Variants in ARHGEF18 observed in about 807,000 individuals in gnomAD.
The protein encoded by ARHGEF18 is rho guanine nucleotide exchange factor 18.
ARHGEF18 carries 93 observed loss-of-function variants against 155.7 expected under a neutral mutation model. The ratio of observed to expected loss-of-function variants is 0.60; its 90% CI spans 0.50 to 0.71. ARHGEF18 has a LOEUF of 0.71. ARHGEF18 is among the 30% of genes least tolerant of loss of function. The pLI, the probability that ARHGEF18 is intolerant of heterozygous loss-of-function variation, is 0.00. For missense variants in ARHGEF18, 1,593 were observed against 1,816.1 expected (o/e 0.88, Z 2.23); for synonymous variants, 742 against 753.1 (o/e 0.99, Z 0.24).
intron 10 of ARHGEF18, among the ~76,000 whole-genome samples, chr19:7,430,350 C>T (rs576117139): frequency 3.4e-5 from 5 of 147,282 alleles, no homozygotes; most frequent in Non-Finnish European, 7.4e-5. Context: ...TACAGGCATA[C>T]ACTACCATGC....
the ARHGEF18 span, among the ~76,000 whole-genome samples, chr19:7,479,088 CCAGGGTG>C: frequency 1.1e-4 from 17 of 152,192 alleles, no homozygotes; most frequent in African/African-American, 4.1e-4. Flanking sequence ...CACTGGGTAC[CCAGGGTG>C]CAGGATGCAG....
At chr19:7,432,335 A>G (rs986076087) in intron 10 of ARHGEF18, among the ~76,000 whole-genome samples, 1 of 152,196 alleles carries the variant, frequency 6.6e-6, no homozygotes, top group African/African-American at 2.4e-5. Flanking sequence ...TCTCAGCCTA[A>G]AAGAAAAGTC....
chr19:7,391,021 A>G (rs1392923970), intron 10 of ARHGEF18, among the ~76,000 whole-genome samples: 2 of 152,128 alleles, frequency 1.3e-5, no homozygotes, highest in East Asian at 3.8e-4. Context: ...GCCCGTTGAC[A>G]GAGTGAGACT....
intron 1 of ARHGEF18, among the ~76,000 whole-genome samples, chr19:7,362,146 A>AAGGAGAAGG (rs1969632737): frequency 2.4e-5 from 1 of 41,108 alleles, no homozygotes; most frequent in Non-Finnish European, 4.3e-5. Flanking sequence ...GGAGAAGGAG[A>AAGGAGAAGG]AGGAGAAGGA....
chr19:7,460,328 C>T (rs1013835357), intron 20 of ARHGEF18, among the ~76,000 whole-genome samples: 6 of 152,194 alleles, frequency 3.9e-5, no homozygotes, highest in African/African-American at 9.6e-5. Flanking sequence ...CAGTCCCATA[C>T]GAAGGAATAG....
chr19:7,434,096 C>T (rs1600424224), intron 10 of ARHGEF18, among the ~76,000 whole-genome samples: 1 of 151,288 alleles, frequency 6.6e-6, no homozygotes, highest in African/African-American at 2.4e-5. Flanking sequence ...GATCCTGACA[C>T]CTGTTACGAA....
chr19:7,357,214 G>A (rs955831011), intron 1 of ARHGEF18, among the ~76,000 whole-genome samples: 1 of 152,192 alleles, frequency 6.6e-6, no homozygotes, highest in Admixed American at 6.5e-5. Context: ...AGTGTGGGCA[G>A]CTGGAGTGCC....
Position 7,440,497 on chromosome 19 carries a change from C to A in ARHGEF18, c.1106+15C>A, listed in dbSNP as rs757729503. The A allele has an allele frequency of 6.3e-7, 1 of 1,584,658 alleles. No individual in the cohort carries two copies. The highest frequency in any genetic ancestry group is 1.1e-5 in the South Asian group (1 of 89,648). On this transcript the variant is annotated intron_variant, in intron 11 of 28. Transcript: ENST00000668164. The surrounding 1 kb of genome is among the most constrained non-coding windows in gnomAD (Gnocchi z 5.4). ...ACGCAACTCGGGTAAGCCAGGGTCCCCTCTGTGCCCTCGGGTGGGTGGTGG... is the reference window on the plus strand; with the variant it reads ...ACGCAACTCGGGTAAGCCAGGGTCCACTCTGTGCCCTCGGGTGGGTGGTGG...
chr19:7,433,139 T>A (rs914767216), intron 10 of ARHGEF18, among the ~76,000 whole-genome samples: 3 of 149,642 alleles, frequency 2.0e-5, no homozygotes, highest in South Asian at 2.1e-4. Flanking sequence ...CTAGCCTAGA[T>A]GATGGAGCGA....
intron 10 of ARHGEF18, among the ~76,000 whole-genome samples, chr19:7,398,704 A>AAGAAAG (rs112794982): frequency 2.0e-4 from 29 of 147,166 alleles, no homozygotes; most frequent in East Asian, 7.9e-4. Context: ...AAAAAAAAAA[A>AAGAAAG]AAATAAAGAA....
rs558820659 is a variant in ARHGEF18, at chr19:7,376,877, C to T, written c.541+120C>T. ...CCTGGAGGGTCCCCTTGGTGGGGCT[C>T]CAGATGGGCCCCAGGGAAGGGAAGG... On this transcript the variant is annotated intron_variant, in intron 5 of 28. Transcript: ENST00000668164. 2.3e-3 allele frequency: 1,511 copies of T among 666,280 alleles called. 4 individuals are homozygous for T. The highest frequency in any genetic ancestry group is 2.9e-3 in the Admixed American group (66 of 22,946). 41.3% of individuals were successfully genotyped at this position (666,280 alleles called of 1,614,324 possible). A position where few individuals can be genotyped will look rare whatever the true frequency, so the allele number is the denominator to read the frequency against.
chr19:7,433,617 C>T (rs1340033667), intron 10 of ARHGEF18, among the ~76,000 whole-genome samples: 1 of 151,248 alleles, frequency 6.6e-6, no homozygotes, highest in East Asian at 1.9e-4. Flanking sequence ...AGTCCTGTTC[C>T]TGTAAGACCT....
intron 10 of ARHGEF18, among the ~76,000 whole-genome samples, chr19:7,423,654 G>A (rs995384649): frequency 3.3e-5 from 5 of 150,816 alleles, no homozygotes; most frequent in Non-Finnish European, 5.9e-5. Flanking sequence ...GCAATGAGCC[G>A]AGATCGCGCC....
chr19:7,377,883 G>A (rs531915110), intron 5 of ARHGEF18, among the ~76,000 whole-genome samples: 2 of 151,804 alleles, frequency 1.3e-5, no homozygotes, highest in East Asian at 1.9e-4. Context: ...TCCAGAGTTC[G>A]AGACCACCCT....
intron 10 of ARHGEF18, among the ~76,000 whole-genome samples, chr19:7,428,712 C>T (rs1018816231): frequency 2.0e-5 from 3 of 151,944 alleles, no homozygotes; most frequent in South Asian, 2.1e-4. Context: ...GTCGAAAAAA[C>T]GAAAGTGAAA....
At chr19:7,460,414 C>T (rs10419471) in intron 20 of ARHGEF18, among the ~76,000 whole-genome samples, 117,173 of 152,050 alleles carry the variant, frequency 0.77, 45,469 homozygotes, top group East Asian at 0.85. Context: ...AATTCACACA[C>T]CACAGCACTC....
At chr19:7,411,188 A>T (rs1298238244) in intron 10 of ARHGEF18, among the ~76,000 whole-genome samples, 1 of 152,020 alleles carries the variant, frequency 6.6e-6, no homozygotes, top group Non-Finnish European at 1.5e-5. Flanking sequence ...AGATATGTTA[A>T]AAATGAAGTT....
chr19:7,441,580 T>G (rs1406469282), intron 11 of ARHGEF18, 73 bp from the exon 12 acceptor site: 21 of 1,140,044 alleles, frequency 1.8e-5, no homozygotes, highest in Non-Finnish European at 2.5e-5. Flanking sequence ...GTCACCGATG[T>G]GCCTTTGTTG....
At chr19:7,367,758 A>AATATATAT (rs200869379) in intron 2 of ARHGEF18, among the ~76,000 whole-genome samples, 6 of 74,112 alleles carry the variant, frequency 8.1e-5, no homozygotes, top group South Asian at 3.5e-4. Context: ...AAAAAAAAAA[A>AATATATAT]ATATATATAT....
Sources: allele counts gnomAD v4.1 joint callset (sites outside exome capture counted in the v4.1 genomes callset), GRCh38; gene constraint gnomAD v4.1.1; non-coding constraint Gnocchi (gnomAD v3.1); transcripts MANE v1.5; gene names NCBI Gene and HGNC (gene_info 2026-07-23, HGNC 2026-07-21).